BICC1: variants seen among roughly 807,000 people sequenced by gnomAD.
The protein encoded by BICC1 is BicC family RNA binding protein 1.
In BICC1, 43 loss-of-function variants were observed where a neutral mutation model predicts 111.0. The observed-to-expected ratio is 0.39, with a 90% CI of 0.30 to 0.50. BICC1 has a LOEUF of 0.50. Among genes scored for constraint, BICC1 ranks in the 20% least tolerant of loss-of-function variants. BICC1 has a pLI of 0.88. For missense variants in BICC1, 1,091 were observed against 1,203.2 expected (o/e 0.91, Z 1.38); for synonymous variants, 467 against 434.4 (o/e 1.07, Z -0.93).
At position 58,716,211 on chromosome 10, in the gene BICC1, A is replaced by T. The variant is rs1449621150; in HGVS notation, c.307+14068A>T. 2.7e-6 allele frequency: 4 copies of T among 1,506,218 alleles called. No homozygotes were observed. In the East Asian group the frequency reaches 7.5e-5, roughly 28 times the overall value. The allele number at this position is 1,506,218 out of a possible 1,614,324, so 93.3% of individuals were successfully genotyped here. On this transcript the variant is annotated intron_variant, in intron 3 of 20. Transcript: ENST00000373886. ...GTGAAGAACGAGAAAAAGCAACAGA[A>T]AAAACAAAAAAGAATAAGAAGCATA...
At chr10:58,547,057 A>G (rs1490332809) in intron 1 of BICC1, among the ~76,000 whole-genome samples, 1 of 152,204 alleles carries the variant, frequency 6.6e-6, no homozygotes, top group East Asian at 1.9e-4. Flanking sequence ...TTATGAATAT[A>G]GTACAGCGAG....
At chr10:58,624,494 A>G (rs1391377744) in intron 2 of BICC1, among the ~76,000 whole-genome samples, 4 of 152,188 alleles carry the variant, frequency 2.6e-5, no homozygotes, top group Admixed American at 1.3e-4. Context: ...TACTAAATCT[A>G]TTTTTTTAAT....
intron 2 of BICC1, among the ~76,000 whole-genome samples, chr10:58,693,019 A>G (rs1290279712): frequency 6.6e-6 from 1 of 151,626 alleles, no homozygotes; most frequent in Non-Finnish European, 1.5e-5. Context: ...CACTCTGCCC[A>G]CCCCACAACA....
At chr10:58,744,347 C>T (rs890593911) in intron 3 of BICC1, among the ~76,000 whole-genome samples, 1 of 151,892 alleles carries the variant, frequency 6.6e-6, no homozygotes, top group African/African-American at 2.4e-5. Flanking sequence ...ATATATCTTT[C>T]CCCACTCAAT....
intron 1 of BICC1, among the ~76,000 whole-genome samples, chr10:58,576,615 G>A (rs1844120966): frequency 6.6e-6 from 1 of 152,044 alleles, no homozygotes. Context: ...AGAATTATTT[G>A]TTCTTCTCTG....
intron 3 of BICC1, among the ~76,000 whole-genome samples, chr10:58,740,716 A>G (rs142759845): frequency 1.4e-4 from 22 of 152,320 alleles, no homozygotes; most frequent in African/African-American, 5.1e-4. Context: ...GTGTCATGGG[A>G]GTCCACATGA....
intron 3 of BICC1, chr10:58,715,970 A>G (rs1310550042): frequency 1.4e-6 from 2 of 1,391,562 alleles, no homozygotes; most frequent in Non-Finnish European, 2.0e-6. Context: ...AACCGTTCAC[A>G]TAAATCTTCT....
intron 3 of BICC1, among the ~76,000 whole-genome samples, chr10:58,751,228 A>G (rs932152358): frequency 6.6e-6 from 1 of 152,104 alleles, no homozygotes; most frequent in Admixed American, 6.6e-5. Flanking sequence ...TAAATCACCC[A>G]TGCCTGTAAC....
intron 1 of BICC1, among the ~76,000 whole-genome samples, chr10:58,589,751 A>C (rs1844544986): frequency 6.6e-6 from 1 of 152,132 alleles, no homozygotes. Flanking sequence ...ATAGGATTAC[A>C]GGCATGAGCC....
At chr10:58,523,592 G>A (rs1444705095) in intron 1 of BICC1, among the ~76,000 whole-genome samples, 1 of 152,058 alleles carries the variant, frequency 6.6e-6, no homozygotes, top group Non-Finnish European at 1.5e-5. Flanking sequence ...CCCACAGCCA[G>A]TATCATATTG....
Position 58,551,215 on chromosome 10 carries a change from G to A in BICC1, c.190+37882G>A, listed in dbSNP as rs117150332. 6.1e-3 allele frequency among the ~76,000 whole-genome samples: 935 copies of A among 152,234 alleles called. 7 individuals carry two copies. The highest frequency in any genetic ancestry group is 9.9e-3 in the Non-Finnish European group (674 of 67,994). On this transcript the variant is annotated intron_variant, in intron 1 of 20. Transcript: ENST00000373886. The stretch of plus-strand genomic sequence containing the variant: ...GCCTGGCATCTGGTAAGATCTCAAT[G>A]AAGTAATGTGAACTAGATTAATGAA...
At chr10:58,709,437 T>G (rs1375116007) in intron 3 of BICC1, among the ~76,000 whole-genome samples, 1 of 152,234 alleles carries the variant, frequency 6.6e-6, no homozygotes, top group Non-Finnish European at 1.5e-5. Flanking sequence ...TGATATAAAA[T>G]GGATGACAAA....
chr10:58,614,447 C>T (rs1014865036), intron 1 of BICC1, among the ~76,000 whole-genome samples: 8 of 152,198 alleles, frequency 5.3e-5, no homozygotes, highest in African/African-American at 1.9e-4. Context: ...ATTTCTTGCA[C>T]ACAAACACTT....
rs573800211 is a variant in BICC1 at position 58,785,165 on chromosome 10, G to A, written c.387+85G>A. 9 of 717,182 alleles carry A rather than the reference G, an allele frequency of 1.3e-5. No homozygotes were observed. In the Admixed American group the frequency reaches 2.1e-4, roughly 17 times the overall value. 44.4% of individuals were successfully genotyped at this position (717,182 alleles called of 1,614,324 possible). On this transcript the variant is annotated intron_variant, in intron 4 of 20. Transcript: ENST00000373886. Reference sequence around the variant, plus strand: ...TGCCGTTATGAAAGAACCATTTGGAGAAGAAAAACCAGGAGAAAGTAATGG... The same window carrying A: ...TGCCGTTATGAAAGAACCATTTGGAAAAGAAAAACCAGGAGAAAGTAATGG...
intron 2 of BICC1, among the ~76,000 whole-genome samples, chr10:58,629,310 G>A (rs1014874420): frequency 3.3e-5 from 2 of 60,112 alleles, no homozygotes; most frequent in South Asian, 1.0e-3. Flanking sequence ...CTAAATAGTC[G>A]TAGATTGATT....
intron 3 of BICC1, among the ~76,000 whole-genome samples, chr10:58,778,252 C>T (rs1402789476): frequency 6.6e-6 from 1 of 151,954 alleles, no homozygotes; most frequent in Non-Finnish European, 1.5e-5. Flanking sequence ...TAATAAGATA[C>T]ATAAAGATGA....
At chr10:58,527,206 T>G (rs36151114) in intron 1 of BICC1, among the ~76,000 whole-genome samples, 69,843 of 151,838 alleles carry the variant, frequency 0.46, 17,101 homozygotes, top group Admixed American at 0.62. Flanking sequence ...TCATGTGTTT[T>G]TTGGCTGCAT....
intron 9 of BICC1, among the ~76,000 whole-genome samples, chr10:58,794,396 G>C (rs1188172065): frequency 6.6e-6 from 1 of 151,514 alleles, no homozygotes; most frequent in East Asian, 1.9e-4. Flanking sequence ...ACTACATGTA[G>C]AGTAAAAATT....
At chr10:58,818,627 A>T (rs1426083998) in intron 19 of BICC1, among the ~76,000 whole-genome samples, 1 of 152,048 alleles carries the variant, frequency 6.6e-6, no homozygotes, top group Non-Finnish European at 1.5e-5. Flanking sequence ...AATGCTGAGC[A>T]TTTTTGTTTT....
Sources: allele counts gnomAD v4.1 joint callset (sites outside exome capture counted in the v4.1 genomes callset), GRCh38; gene constraint gnomAD v4.1.1; transcripts MANE v1.5; gene names NCBI Gene and HGNC (gene_info 2026-07-23, HGNC 2026-07-21).